Variants in EGFLAM observed in about 807,000 individuals in gnomAD.
EGFLAM encodes the protein EGF like, fibronectin type III and laminin G domains.
A neutral mutation model predicts 113.1 loss-of-function variants in EGFLAM; 79 were observed. The observed-to-expected ratio is 0.70, with a 90% confidence interval of 0.58 to 0.84. EGFLAM has a LOEUF of 0.84. Among genes scored for constraint, EGFLAM ranks in the 40% least tolerant of loss-of-function variants. The probability of loss-of-function intolerance (pLI) is 0.00; values close to 1 mark genes in which losing one functional copy is unlikely to be tolerated. For synonymous variants in EGFLAM, 504 were observed against 487.6 expected (o/e 1.03, Z -0.44); for missense variants, 1,265 against 1,291.6 (o/e 0.98, Z 0.32).
intron 3 of EGFLAM, among the ~76,000 whole-genome samples, chr5:38,343,806 G>C (rs1739405890): frequency 6.6e-6 from 1 of 152,196 alleles, no homozygotes; most frequent in Non-Finnish European, 1.5e-5. Context: ...GCGGTCAACT[G>C]TGAGGTTGAA....
At chr5:38,397,870 G>A (rs1741002987) in intron 6 of EGFLAM, among the ~76,000 whole-genome samples, 1 of 152,182 alleles carries the variant, frequency 6.6e-6, no homozygotes, top group Non-Finnish European at 1.5e-5. Flanking sequence ...GAGAGAGGAG[G>A]GAGCTGAGGT....
At chr5:38,416,436 G>T (rs879885173) in intron 11 of EGFLAM, among the ~76,000 whole-genome samples, 1 of 152,170 alleles carries the variant, frequency 6.6e-6, no homozygotes, top group Admixed American at 6.5e-5. Context: ...AGACTCATCC[G>T]AAACTGTTAA....
chr5:38,298,758 T>TG (rs1304140783), intron 1 of EGFLAM, among the ~76,000 whole-genome samples: 1 of 152,100 alleles, frequency 6.6e-6, no homozygotes, highest in Non-Finnish European at 1.5e-5. Flanking sequence ...TGGAGTGCAG[T>TG]GGTGTAATCA....
intron 1 of EGFLAM, among the ~76,000 whole-genome samples, chr5:38,287,539 G>A (rs748558144): frequency 1.3e-5 from 2 of 152,084 alleles, no homozygotes; most frequent in Non-Finnish European, 2.9e-5. Context: ...GCCTAGCCAA[G>A]TTTTGTATTT....
chr5:38,359,532 G>A (rs565244392), intron 5 of EGFLAM, among the ~76,000 whole-genome samples: 14 of 152,220 alleles, frequency 9.2e-5, no homozygotes, highest in East Asian at 3.9e-4. Context: ...AAAATTAGCC[G>A]GGTGTGGTGG....
At chr5:38,397,516 C>T (rs1740992226) in intron 6 of EGFLAM, among the ~76,000 whole-genome samples, 1 of 152,098 alleles carries the variant, frequency 6.6e-6, no homozygotes, top group Non-Finnish European at 1.5e-5. Context: ...TGGTCTTGAA[C>T]TCCAGGGCTC....
chr5:38,391,314 G>C (rs1391571300), intron 6 of EGFLAM, among the ~76,000 whole-genome samples: 2 of 152,014 alleles, frequency 1.3e-5, no homozygotes, highest in East Asian at 3.9e-4. Context: ...CTGTTTCTGA[G>C]TTCTATATGC....
chr5:38,300,365 A>G (rs1359894830), intron 1 of EGFLAM, among the ~76,000 whole-genome samples: 1 of 144,676 alleles, frequency 6.9e-6, no homozygotes, highest in South Asian at 2.1e-4. Context: ...CTTCTTCTCT[A>G]TCTCTCTCTC....
At chr5:38,300,877 C>T (rs147231973) in intron 1 of EGFLAM, among the ~76,000 whole-genome samples, 38 of 152,102 alleles carry the variant, frequency 2.5e-4, no homozygotes, top group African/African-American at 9.2e-4. Context: ...ATTTCCTGAC[C>T]CTGTGGATGA....
At chr5:38,341,543 A>G (rs944821200) in intron 3 of EGFLAM, among the ~76,000 whole-genome samples, 5 of 152,228 alleles carry the variant, frequency 3.3e-5, no homozygotes, top group Admixed American at 2.0e-4. Context: ...GCCAAACCAT[A>G]TCAACTATTA....
intron 6 of EGFLAM, among the ~76,000 whole-genome samples, chr5:38,384,176 A>G (rs1413521806): frequency 1.3e-5 from 2 of 152,146 alleles, no homozygotes; most frequent in Non-Finnish European, 2.9e-5. Flanking sequence ...AACAGACATG[A>G]AAAGAAAAAA....
At chr5:38,275,935 A>G (rs1173835473) in intron 1 of EGFLAM, among the ~76,000 whole-genome samples, 4 of 152,248 alleles carry the variant, frequency 2.6e-5, no homozygotes, top group African/African-American at 7.2e-5. Context: ...AATCGCAAAT[A>G]CATGGAAATT....
chr5:38,427,253 G>T lies in EGFLAM; in HGVS notation c.2054+1G>T, dbSNP rs866247599. The T allele has an allele frequency of 1.2e-6, 2 of 1,612,824 alleles. No individual in the cohort carries two copies. The highest frequency in any genetic ancestry group is 1.7e-6 in the Non-Finnish European group (2 of 1,179,420). ...GTGGCTCTGGGACCGGTGTCCTCAG[G>T]TGAGGGCTGAAAACTTCTGGGACTC... On this transcript the variant is annotated splice_donor_variant, in intron 14 of 21. Transcript: ENST00000322350. LOFTEE classifies it high-confidence loss of function.
intron 1 of EGFLAM, among the ~76,000 whole-genome samples, chr5:38,266,737 T>C (rs956977310): frequency 6.6e-6 from 1 of 152,194 alleles, no homozygotes; most frequent in Non-Finnish European, 1.5e-5. Context: ...CTGGTAATTG[T>C]CTTGGGGGAA....
Position 38,431,210 on chromosome 5 carries a change from C to T in EGFLAM, c.2088C>T (p.His696=), listed in dbSNP as rs758964707. 311 of 1,614,142 alleles carry T rather than the reference C, an allele frequency of 1.9e-4. No homozygotes were observed. Among genetic ancestry groups the T allele is most frequent in the Non-Finnish European group, 2.2e-4 (265 of 1,180,000 alleles). ...ATCCCCTCACCCTGGGCAACTGGCA[C>T]GAGCTTCGTGTATCTCGCACAGCAA... ...SEDPLTLGNW[H]ELRVSRTAKN... The change falls in exon 15 of 22, where the codon CAC becomes CAT. Residue 696 remains histidine, a synonymous_variant. Coordinates refer to ENST00000322350, the MANE Select transcript of EGFLAM (RefSeq NM_152403.4).
intron 1 of EGFLAM, among the ~76,000 whole-genome samples, chr5:38,273,124 A>G (rs1757805335): frequency 6.6e-6 from 1 of 152,202 alleles, no homozygotes; most frequent in Non-Finnish European, 1.5e-5. Flanking sequence ...GGATAGTTAT[A>G]CATTACCCAT....
chr5:38,360,608 G>C (rs1040985897), intron 5 of EGFLAM, among the ~76,000 whole-genome samples: 6 of 152,006 alleles, frequency 3.9e-5, no homozygotes, highest in Non-Finnish European at 5.9e-5. Flanking sequence ...TAACTTCTCT[G>C]GCCTCAGACA....
intron 11 of EGFLAM, 138 bp downstream of exon 11, chr5:38,412,786 G>C (rs567898614): frequency 7.5e-7 from 1 of 1,332,302 alleles, no homozygotes; most frequent in South Asian, 1.5e-5. Flanking sequence ...TATTTCTCAT[G>C]GTGAACCCAT....
At chr5:38,342,000 T>A (rs1739350419) in intron 3 of EGFLAM, among the ~76,000 whole-genome samples, 1 of 152,150 alleles carries the variant, frequency 6.6e-6, no homozygotes, top group South Asian at 2.1e-4. Context: ...TTTGTAAGCA[T>A]GTTTTAGAAA....
Sources: allele counts gnomAD v4.1 joint callset (sites outside exome capture counted in the v4.1 genomes callset), GRCh38; gene constraint gnomAD v4.1.1; transcripts MANE v1.5; gene names NCBI Gene and HGNC (gene_info 2026-07-23, HGNC 2026-07-21).